SPART: variants seen among roughly 807,000 people sequenced by gnomAD.
SPART encodes the protein spartin.
Under a neutral mutation model 58.7 loss-of-function variants are expected in SPART, and 35 were observed. The ratio of observed to expected loss-of-function variants is 0.60; its 90% CI spans 0.46 to 0.79. SPART has a LOEUF of 0.79. SPART is among the 30% of genes least tolerant of loss of function. The pLI, the probability that SPART is intolerant of heterozygous loss-of-function variation, is 0.00. For missense variants in SPART, 730 were observed against 786.1 expected (o/e 0.93, Z 0.85); for synonymous variants, 284 against 280.7 (o/e 1.01, Z -0.12).
In SPART at chr13:36,331,394, G is replaced by T; in HGVS notation, c.1008+5C>A. 1.2e-6 allele frequency: 2 copies of T among 1,613,664 alleles called. No individual in the cohort carries two copies. The highest frequency in any genetic ancestry group is 1.7e-6 in the Non-Finnish European group (2 of 1,179,652). The stretch of plus-strand genomic sequence containing the variant: ...TTTCACCCTAAAGATGATCACACAA[G>T]TTACCTGGAGCCGAAGGTCAGACAT... On this transcript the variant is annotated splice_donor_5th_base_variant and intron_variant, in intron 3 of 8. Coordinates refer to ENST00000438666, the MANE Select transcript of SPART (RefSeq NM_015087.5).
chr13:36,339,843 G>T (rs748538325), intron 1 of SPART, among the ~76,000 whole-genome samples: 2 of 152,118 alleles, frequency 1.3e-5, no homozygotes, highest in Non-Finnish European at 2.9e-5. Context: ...GAGACAGGAG[G>T]ATCGCTTGAG....
chr13:36,356,362 C>T (rs2137705788), intron 1 of SPART, among the ~76,000 whole-genome samples: 1 of 152,282 alleles, frequency 6.6e-6, no homozygotes, highest in Non-Finnish European at 1.5e-5. Context: ...GTACTTTATT[C>T]ATCCATCATT....
chr13:36,361,776 T>G (rs955472402), intron 1 of SPART, among the ~76,000 whole-genome samples: 2 of 152,218 alleles, frequency 1.3e-5, no homozygotes, highest in Non-Finnish European at 2.9e-5. Flanking sequence ...TTATTGCTAC[T>G]ATTTACATTT....
rs1164336167 is a variant in SPART, at chr13:36,339,593, T to C, written c.-2-3761A>G. ...TTGCACTGAGCCGAGATCATGCCAC[T>C]GCACTCCAGCCTGTTCACAGAGCAC... On this transcript the variant is annotated intron_variant, in intron 1 of 8. Coordinates refer to ENST00000438666, the MANE Select transcript of SPART (RefSeq NM_015087.5). Among the ~76,000 whole-genome samples, 4 of 113,884 alleles carry C rather than the reference T, an allele frequency of 3.5e-5. No individual in the cohort carries two copies. The Admixed American group carries it at 5.2e-4, about 15-fold the overall frequency. 74.7% of individuals were successfully genotyped at this position (113,884 alleles called of 152,430 possible).
At chr13:36,361,906 T>G (rs1179244782) in intron 1 of SPART, among the ~76,000 whole-genome samples, 1 of 152,206 alleles carries the variant, frequency 6.6e-6, no homozygotes, top group African/African-American at 2.4e-5. Context: ...CTTGACTGCA[T>G]GAATATCAAT....
At chr13:36,323,864 C>A (rs1419993172) in intron 5 of SPART, among the ~76,000 whole-genome samples, 2 of 152,148 alleles carry the variant, frequency 1.3e-5, no homozygotes, top group African/African-American at 2.4e-5. Context: ...GGTACTGGCA[C>A]GAAGAAACTG....
chr13:36,317,490 TCCTTTATTTCCGTGCCCCGAC>T (rs796519558), intron 5 of SPART, among the ~76,000 whole-genome samples: 18 of 142,178 alleles, frequency 1.3e-4, no homozygotes, highest in Non-Finnish European at 2.0e-4. Context: ...TGCGCCCCAA[TCCTTTATTTCCGTGCCCCGAC>T]CCCTTATTTC....
intron 2 of SPART, among the ~76,000 whole-genome samples, chr13:36,334,160 G>A (rs756528218): frequency 2.0e-5 from 3 of 152,192 alleles, no homozygotes; most frequent in South Asian, 4.2e-4. Context: ...TATATTCAAC[G>A]TATACTGAGT....
rs7321457 is a variant in SPART, at chr13:36,314,334, C to T, written c.1376G>A (p.Arg459Gln). 118 of 1,614,036 alleles carry T rather than the reference C, an allele frequency of 7.3e-5. No individual in the cohort carries two copies. The African/African-American group carries it at 9.1e-4, about 12-fold the overall frequency. ...IQKGASKLRE[R>Q]IQPEEKPVEV... is the part of the protein sequence containing the mutation. ...CACGGGTTTTTCTTCTGGTTGAATCCGCTCTCGGAGTTTAGAAGCACCTTT... is the reference window on the plus strand; with the variant it reads ...CACGGGTTTTTCTTCTGGTTGAATCTGCTCTCGGAGTTTAGAAGCACCTTT... The change falls in exon 6 of 9, where the codon CGG (arginine) becomes CAG (glutamine). Residue 459 changes from arginine to glutamine, a missense_variant. Physicochemically the swap from Arg to Gln is conservative, Grantham distance 43. Transcript: ENST00000438666.
intron 1 of SPART, among the ~76,000 whole-genome samples, chr13:36,363,351 A>C (rs534819521): frequency 6.7e-6 from 1 of 148,212 alleles, no homozygotes; most frequent in African/African-American, 2.5e-5. Flanking sequence ...TTAAATAAGC[A>C]TCTCTCTCTC....
At chr13:36,356,398 C>A (rs1885624575) in intron 1 of SPART, among the ~76,000 whole-genome samples, 1 of 152,132 alleles carries the variant, frequency 6.6e-6, no homozygotes, top group Non-Finnish European at 1.5e-5. Flanking sequence ...GGACAGACCC[C>A]CACATGATAA....
In SPART at chr13:36,335,298, G is replaced by C; in HGVS notation, c.533C>G (p.Ala178Gly). 1 of 1,614,078 alleles carries C rather than the reference G, an allele frequency of 6.2e-7. No homozygotes were observed. Residue 178 changes from alanine to glycine, a missense_variant, in exon 2 of 9, where the codon GCT becomes GGT. Physicochemically the swap from Ala to Gly is moderately conservative, Grantham distance 60. Coordinates refer to ENST00000438666, the MANE Select transcript of SPART (RefSeq NM_015087.5). The part of the protein sequence containing the change: ...AEAPPAYTPQ[A>G]AEGHYTVSYG... ...GGATACAGTGTAGTGACCTTCAGCA[G>C]CTTGAGGAGTATAAGCAGGAGGAGC...
intron 3 of SPART, among the ~76,000 whole-genome samples, chr13:36,331,120 T>C (rs952735196): frequency 2.6e-5 from 4 of 152,212 alleles, no homozygotes; most frequent in African/African-American, 7.2e-5. Context: ...CCCCATTTTA[T>C]AAGTAAATTA....
chr13:36,340,126 G>A (rs1884431887), intron 1 of SPART, among the ~76,000 whole-genome samples: 1 of 151,576 alleles, frequency 6.6e-6, no homozygotes, highest in Non-Finnish European at 1.5e-5. Flanking sequence ...AAAAGGGGAG[G>A]CTGAGGTGGG....
At chr13:36,366,508 A>G (rs535221980) in intron 1 of SPART, among the ~76,000 whole-genome samples, 1 of 152,344 alleles carries the variant, frequency 6.6e-6, no homozygotes, top group South Asian at 2.1e-4. Flanking sequence ...CAATGAATCA[A>G]TCAAATATTT....
chr13:36,325,567 CTGAA>C (rs1306966767), intron 5 of SPART, among the ~76,000 whole-genome samples: 1 of 152,068 alleles, frequency 6.6e-6, no homozygotes, highest in Non-Finnish European at 1.5e-5. Context: ...ATTTGACACA[CTGAA>C]TGGTGACTGG....
At chr13:36,324,910 T>C (rs558726190) in intron 5 of SPART, among the ~76,000 whole-genome samples, 2 of 152,256 alleles carry the variant, frequency 1.3e-5, no homozygotes, top group Admixed American at 1.3e-4. Context: ...GGGGAGCTTT[T>C]TGAGCCAGGA....
chr13:36,360,691 T>C (rs1885820950), intron 1 of SPART: 1 of 152,790 alleles, frequency 6.5e-6, no homozygotes, highest in African/African-American at 2.4e-5. Context: ...TGTTTTGCCA[T>C]ATATGCAAGT....
Position 36,329,436 on chromosome 13 carries a change from C to G in SPART, c.1090G>C (p.Ala364Pro), listed in dbSNP as rs1566125762. 1 of 1,614,142 alleles carries G rather than the reference C, an allele frequency of 6.2e-7. No individual in the cohort carries two copies. The highest frequency in any genetic ancestry group is 8.5e-7 in the Non-Finnish European group (1 of 1,180,010). The change falls in exon 4 of 9, where the codon GCC becomes CCC. Residue 364 changes from alanine (A) to proline (P), a missense_variant. Transcript: ENST00000438666. ...AACTGTTTCACATCAGTGCCAGAGGCTTCTTTTAGTTGGTCAGAGGAGGGT... is the reference window on the plus strand; with the variant it reads ...AACTGTTTCACATCAGTGCCAGAGGGTTCTTTTAGTTGGTCAGAGGAGGGT... ...TRPSSDQLKE[A>P]SGTDVKQLDQ...
Sources: gnomAD v4.1 joint callset for allele counts (sites outside exome capture counted in the v4.1 genomes callset) on GRCh38, gnomAD v4.1.1 for gene constraint, MANE v1.5 for transcripts, NCBI Gene and HGNC (gene_info 2026-07-23, HGNC 2026-07-21) for gene names.